PTPRQ: variants seen among roughly 807,000 people sequenced by gnomAD.
PTPRQ encodes phosphatidylinositol phosphatase PTPRQ.
In PTPRQ, 199 loss-of-function variants were observed where a neutral mutation model predicts 246.0. That is an observed-to-expected ratio of 0.81 (90% CI 0.72 to 0.91). The LOEUF (loss-of-function observed/expected upper bound fraction) is 0.91, where lower values mean the gene tolerates loss of function less well. Among genes scored for constraint, PTPRQ ranks in the 40% least tolerant of loss-of-function variants. The pLI is 0.00. For missense variants in PTPRQ, 2,624 were observed against 2,528.4 expected (o/e 1.04, Z -0.81); for synonymous variants, 869 against 853.2 (o/e 1.02, Z -0.32).
intron 25 of PTPRQ, among the ~76,000 whole-genome samples, chr12:80,578,599 T>C (rs1173956657): frequency 6.6e-6 from 1 of 152,020 alleles, no homozygotes; most frequent in Non-Finnish European, 1.5e-5. Flanking sequence ...TCCACCGTGT[T>C]AGCCAGGATG....
chr12:80,506,493 A>T lies in PTPRQ; in HGVS notation c.2456-76A>T, dbSNP rs370798822. ...TTTTTGGAAGATTGTGTTGACAGCC[A>T]TTTCATAGTTTGCCTCTTGCATATT... On this transcript the variant is annotated intron_variant, in intron 15 of 44. Transcript: ENST00000644991. 25 of 1,189,694 alleles carry T rather than the reference A, an allele frequency of 2.1e-5. 1 individual carries two copies. The highest frequency in any genetic ancestry group is 4.4e-4 in the Middle Eastern group (2 of 4,500). The allele number at this position is 1,189,694 out of a possible 1,614,324, so 73.7% of individuals were successfully genotyped here.
At chr12:80,591,585 G>A (rs1897804543) in intron 26 of PTPRQ, among the ~76,000 whole-genome samples, 1 of 152,114 alleles carries the variant, frequency 6.6e-6, no homozygotes, top group Non-Finnish European at 1.5e-5. Flanking sequence ...CTATAACAAA[G>A]ATAGCAAAAA....
chr12:80,483,695 A>T (rs1265017437), intron 8 of PTPRQ, among the ~76,000 whole-genome samples: 1 of 133,526 alleles, frequency 7.5e-6, no homozygotes, highest in Non-Finnish European at 1.5e-5. Context: ...TCAAAGTGTC[A>T]TCTACATTAG....
intron 3 of PTPRQ, among the ~76,000 whole-genome samples, chr12:80,448,639 C>T (rs1892634289): frequency 6.8e-6 from 1 of 146,666 alleles, no homozygotes; most frequent in South Asian, 2.1e-4. Context: ...GTTTTTCGTT[C>T]TTGCGATAGT....
intron 17 of PTPRQ, among the ~76,000 whole-genome samples, chr12:80,513,020 G>A (rs150077253): frequency 6.6e-6 from 1 of 152,120 alleles, no homozygotes; most frequent in African/African-American, 2.4e-5. Flanking sequence ...CCCATGGCAG[G>A]GTCTAGGGGT....
At chr12:80,545,784 ATGT>A (rs143051139) in intron 23 of PTPRQ, among the ~76,000 whole-genome samples, 5,669 of 148,280 alleles carry the variant, frequency 0.038, 161 homozygotes, top group Middle Eastern at 0.079. Flanking sequence ...ATATATAATA[ATGT>A]TATTATTATT....
intron 39 of PTPRQ, among the ~76,000 whole-genome samples, chr12:80,661,141 G>A (rs78017291): frequency 6.6e-6 from 1 of 151,634 alleles, no homozygotes; most frequent in South Asian, 2.1e-4. Flanking sequence ...ACAAGGATTT[G>A]CTAGACAGTT....
intron 26 of PTPRQ, among the ~76,000 whole-genome samples, chr12:80,595,485 G>A (rs1479523525): frequency 1.3e-5 from 2 of 151,620 alleles, no homozygotes; most frequent in African/African-American, 4.8e-5. Context: ...CATTGTTATT[G>A]CCAAAATTAA....
At chr12:80,619,350 A>T (rs1158725696) in intron 30 of PTPRQ, 34 bp from the exon 31 acceptor site, 1 of 1,538,062 alleles carries the variant, frequency 6.5e-7, no homozygotes, top group Non-Finnish European at 8.8e-7. Context: ...AAACAATAAC[A>T]TCAATTGCAG....
At chr12:80,604,670 T>C (rs933744994) in intron 26 of PTPRQ, among the ~76,000 whole-genome samples, 2 of 151,576 alleles carry the variant, frequency 1.3e-5, no homozygotes, top group Non-Finnish European at 3.0e-5. Context: ...TCTCTATCTC[T>C]CTGTAGTCAA....
rs1002339782 is a variant in PTPRQ, at chr12:80,444,776, C to T, written c.90C>T (p.Tyr30=). The change falls in exon 2 of 45, where the codon TAC becomes TAT. Residue 30 remains tyrosine (Y), a synonymous_variant. Transcript: ENST00000644991. ...DVSNVVPGTR[Y]DITISSISTT... is the part of the protein sequence containing the mutation. ...CCAATGTCGTTCCTGGTACTAGGTA[C>T]GATATAACCATCTCTTCAATTTCTA... 2.2e-5 allele frequency: 34 copies of T among 1,539,230 alleles called. 1 individual carries two copies. Among genetic ancestry groups the T allele is most frequent in the Admixed American group, 2.2e-4 (11 of 50,632 alleles).
At chr12:80,579,220 A>G (rs1032600076) in intron 25 of PTPRQ, among the ~76,000 whole-genome samples, 6 of 152,220 alleles carry the variant, frequency 3.9e-5, no homozygotes, top group Non-Finnish European at 7.3e-5. Flanking sequence ...TATGTCACTA[A>G]TTAATCTCTG....
Position 80,549,663 on chromosome 12 carries a change from A to C in PTPRQ, c.4214A>C (p.Lys1405Thr). Residue 1405 changes from lysine (K) to threonine (T), a missense_variant, in exon 25 of 45, where the codon AAA becomes ACA. Lys to Thr is a moderately conservative substitution (Grantham distance 78). Coordinates refer to ENST00000644991, the MANE Select transcript of PTPRQ (RefSeq NM_001145026.2). ...CTTGCCAATACCTCATATGTCTTTAAAGTAAGAGCTTCAACCTCAGCTGGT... is the reference window on the plus strand; with the variant it reads ...CTTGCCAATACCTCATATGTCTTTACAGTAAGAGCTTCAACCTCAGCTGGT... ...KLLANTSYVF[K>T]VRASTSAGEG... The C allele has an allele frequency of 1.3e-6, 2 of 1,551,148 alleles. No homozygotes were observed. Among genetic ancestry groups the C allele is most frequent in the Non-Finnish European group, 1.7e-6 (2 of 1,146,542 alleles).
rs1592708431 is a variant in PTPRQ at position 80,605,001 on chromosome 12, G to T, written c.4610-58G>T. 4.9e-6 allele frequency: 7 copies of T among 1,437,726 alleles called. No homozygotes were observed. In the East Asian group the frequency reaches 1.9e-4, roughly 38 times the overall value. The allele number at this position is 1,437,726 out of a possible 1,614,324, so 89.1% of individuals were successfully genotyped here. On this transcript the variant is annotated intron_variant, in intron 26 of 44. Coordinates refer to ENST00000644991, the MANE Select transcript of PTPRQ (RefSeq NM_001145026.2). The stretch of plus-strand genomic sequence containing the variant: ...ATTTTTCATGGTCTTTTCTATTATT[G>T]TGCTGTAGCAAGTACTAATTCTAAT...
At chr12:80,550,423 G>A (rs1042447453) in intron 25 of PTPRQ, among the ~76,000 whole-genome samples, 2 of 152,110 alleles carry the variant, frequency 1.3e-5, no homozygotes, top group African/African-American at 4.8e-5. Context: ...CTTTCAAGCC[G>A]TCTTGAGGCT....
At chr12:80,485,569 C>T (rs142495574) in intron 9 of PTPRQ, among the ~76,000 whole-genome samples, 1 of 152,300 alleles carries the variant, frequency 6.6e-6, no homozygotes, top group African/African-American at 2.4e-5. Flanking sequence ...TCACCATGTG[C>T]TCAATGCATT....
chr12:80,484,260 G>T (rs1345849134), intron 8 of PTPRQ, among the ~76,000 whole-genome samples, 173 bp from the exon 9 acceptor site: 1 of 152,028 alleles, frequency 6.6e-6, no homozygotes, highest in Non-Finnish European at 1.5e-5. Flanking sequence ...GCCTCCCTTG[G>T]CCTCCCAAAG....
chr12:80,649,738 A>G, intron 37 of PTPRQ, 69 bp downstream of exon 37: 1 of 1,482,896 alleles, frequency 6.7e-7, no homozygotes. Flanking sequence ...TTTCATGTCC[A>G]TTTTAAGCAA....
intron 43 of PTPRQ, among the ~76,000 whole-genome samples, chr12:80,675,597 CA>C: frequency 6.6e-6 from 1 of 152,242 alleles, no homozygotes; most frequent in African/African-American, 2.4e-5. Flanking sequence ...AGTCAATCTT[CA>C]AACAGTAAAA....
Sources: allele counts gnomAD v4.1 joint callset (sites outside exome capture counted in the v4.1 genomes callset), GRCh38; gene constraint gnomAD v4.1.1; transcripts MANE v1.5; gene names NCBI Gene and HGNC (gene_info 2026-07-23, HGNC 2026-07-21).